TAPT1: variants seen among roughly 807,000 people sequenced by gnomAD.
TAPT1 encodes the protein transmembrane anterior posterior transformation protein 1 homolog.
In TAPT1, 28 loss-of-function variants were observed where a neutral mutation model predicts 65.6. The observed-to-expected ratio is 0.43, with a 90% CI of 0.32 to 0.59. The LOEUF is 0.59. TAPT1 is among the 20% of genes least tolerant of loss of function. TAPT1 has a pLI of 0.09. For synonymous variants in TAPT1, 278 were observed against 245.2 expected, an observed-to-expected ratio of 1.13 and a Z score of -1.25; for missense variants, 563 against 679.9, an observed-to-expected ratio of 0.83 and a Z score of 1.91.
rs1257802014 is a variant in TAPT1, at chr4:16,166,871, AAGG to A, written c.1314-81_1314-79del. 2.8e-6 allele frequency: 4 copies of A among 1,430,050 alleles called. No individual in the cohort carries two copies. In the East Asian group the frequency reaches 6.9e-5, roughly 25 times the overall value. The allele number at this position is 1,430,050 out of a possible 1,614,324, so 88.6% of individuals were successfully genotyped here. On this transcript the variant is annotated intron_variant, in intron 12 of 13. Transcript: ENST00000405303. ...GTGAATGCCATCTACTACCATGGCT[AAGG>A]AGAAGGTGGGGGGGCATGGGACGGT...
At chr4:16,188,696 G>A (rs57974923) in intron 4 of TAPT1, among the ~76,000 whole-genome samples, 63 of 152,220 alleles carry the variant, frequency 4.1e-4, no homozygotes, top group African/African-American at 1.4e-3. Flanking sequence ...CGAGGTGGGC[G>A]GATCACGAGG....
At chr4:16,204,074 TATAG>T (rs1560179333) in intron 2 of TAPT1, among the ~76,000 whole-genome samples, 1 of 152,208 alleles carries the variant, frequency 6.6e-6, no homozygotes, top group East Asian at 1.9e-4. Context: ...GCAAGGTCCA[TATAG>T]ATAGAGTTCA....
chr4:16,163,163 G>A lies in TAPT1; in HGVS notation c.*145C>T. On this transcript the variant is annotated 3_prime_UTR_variant, in exon 14 of 14. Transcript: ENST00000405303. ...GACCCTCAGCCAGGCCATATTACTG[G>A]AAGAAAGATACTAAGATTTGCTTGC... is the stretch of plus-strand genomic sequence containing the variant. 1.4e-6 allele frequency: 1 copy of A among 696,600 alleles called. No individual in the cohort carries two copies. The highest frequency in any genetic ancestry group is 2.5e-6 in the Non-Finnish European group (1 of 401,548). The allele number at this position is 696,600 out of a possible 1,614,324, so 43.2% of individuals were successfully genotyped here.
At position 16,173,120 on chromosome 4, in the gene TAPT1, A is replaced by C. The variant is rs377258619; in HGVS notation, c.1236+1084T>G. On this transcript the variant is annotated intron_variant, in intron 11 of 13. Coordinates refer to ENST00000405303, the MANE Select transcript of TAPT1 (RefSeq NM_153365.3). ...ATTACAGGTGTGAGCCACTGTGCCC[A>C]GCTGGTTGCATCTGTTTTGATGTTA... 9.2e-5 allele frequency among the ~76,000 whole-genome samples: 14 copies of C among 152,234 alleles called. 1 individual carries two copies. The highest frequency in any genetic ancestry group is 3.1e-4 in the African/African-American group (13 of 41,560).
At chr4:16,214,688 T>C (rs1330665987) in intron 1 of TAPT1, 1 of 152,210 alleles carries the variant, frequency 6.6e-6, no homozygotes, top group South Asian at 2.1e-4. Context: ...TGCATTACAC[T>C]TCCCTGATAG....
At chr4:16,200,622 A>C (rs1749974341) in intron 3 of TAPT1, among the ~76,000 whole-genome samples, 2 of 152,198 alleles carry the variant, frequency 1.3e-5, no homozygotes, top group South Asian at 4.1e-4. Context: ...CACCACATCC[A>C]GCAATATTAG....
At chr4:16,168,742 G>A (rs1747802645) in intron 12 of TAPT1, among the ~76,000 whole-genome samples, 1 of 152,216 alleles carries the variant, frequency 6.6e-6, no homozygotes. Context: ...TTTGTTGTTG[G>A]GAATTTCTGT....
chr4:16,163,424 G>C lies in TAPT1; in HGVS notation c.1588C>G (p.Pro530Ala), dbSNP rs1332366063. 1.2e-6 allele frequency: 2 copies of C among 1,613,880 alleles called. No homozygotes were observed. The highest frequency in any genetic ancestry group is 1.1e-5 in the South Asian group (1 of 91,078). The change falls in exon 14 of 14, where the codon CCA becomes GCA. Residue 530 changes from proline to alanine, a missense_variant. By Grantham distance (27) the Pro-to-Ala change is conservative. Around this residue, in one of 5 missense-constraint regions of TAPT1, gnomAD observed 136 missense variants for 153.9 expected, o/e 0.88. Transcript: ENST00000405303. The stretch of plus-strand genomic sequence containing the variant: ...GTTATGTCCTTCTCGTCACCATCTG[G>C]AGTTGTCAAAAACTGATCAGAATTG... ...TSNSDQFLTT[P>A]DGDEKDITQD...
Position 16,174,195 on chromosome 4 carries a change from T to G in TAPT1, c.1236+9A>C, listed in dbSNP as rs1748181130. 1 of 1,590,016 alleles carries G rather than the reference T, an allele frequency of 6.3e-7. No homozygotes were observed. Among genetic ancestry groups the G allele is most frequent in the Non-Finnish European group, 8.6e-7 (1 of 1,165,766 alleles). On this transcript the variant is annotated intron_variant, in intron 11 of 13. Coordinates refer to ENST00000405303, the MANE Select transcript of TAPT1 (RefSeq NM_153365.3). ...TTGTTACAAAAAACATTAAAAAGTA[T>G]GCACTTACTAAAACAGCTAGTGGGA...
rs181652196 is a variant in TAPT1, at chr4:16,213,891, T to C, written c.207A>G (p.Ser69=). ...RERRRGRTEL[S]LLRFLSAELT... ...GTTCAGCACTGAGGAACCTCAACAATGAAAGCTCTACAGAAAAGAAAATGA... is the reference window on the plus strand; with the variant it reads ...GTTCAGCACTGAGGAACCTCAACAACGAAAGCTCTACAGAAAAGAAAATGA... The change falls in exon 2 of 14, where the codon TCA becomes TCG. Residue 69 remains serine, a synonymous_variant. Transcript: ENST00000405303. The C allele has an allele frequency of 4.0e-5, 63 of 1,590,816 alleles. No individual in the cohort carries two copies. In the African/African-American group the frequency reaches 7.0e-4, roughly 18 times the overall value.
chr4:16,215,292 AAAC>A (rs1248660144), intron 1 of TAPT1, among the ~76,000 whole-genome samples: 31 of 152,220 alleles, frequency 2.0e-4, no homozygotes, highest in African/African-American at 6.5e-4. Context: ...CTGTGTCTCA[AAAC>A]AACAACAACA....
chr4:16,170,985 C>A (rs1273903837), intron 11 of TAPT1, among the ~76,000 whole-genome samples: 7 of 152,204 alleles, frequency 4.6e-5, no homozygotes, highest in Non-Finnish European at 7.3e-5. Flanking sequence ...AACAGTTTGA[C>A]TCCTGTGGAC....
chr4:16,170,721 T>C lies in TAPT1; in HGVS notation c.1245A>G (p.Arg415=), dbSNP rs1295983816. Residue 415 remains arginine (R), a synonymous_variant, in exon 12 of 14, where the codon AGA becomes AGG. Transcript: ENST00000405303. ...IPLPLAVLLI[R]VVTSSIKVQG... ...GCACTTTAATTGAGCTTGTTACAAC[T>C]CTGATGAGCTAGCCAGAAACAAACC... is the stretch of plus-strand genomic sequence containing the variant. The C allele has an allele frequency of 6.2e-7, 1 of 1,613,304 alleles. No individual in the cohort carries two copies. Among genetic ancestry groups the C allele is most frequent in the Non-Finnish European group, 8.5e-7 (1 of 1,179,470 alleles).
chr4:16,207,717 C>G (rs1314708768), intron 2 of TAPT1, among the ~76,000 whole-genome samples: 1 of 152,214 alleles, frequency 6.6e-6, no homozygotes, highest in Non-Finnish European at 1.5e-5. Context: ...CCCTGTATGA[C>G]AGTAACCCTT....
chr4:16,202,409 T>C, intron 3 of TAPT1, 53 bp downstream of exon 3: 1 of 1,139,404 alleles, frequency 8.8e-7, no homozygotes, highest in Non-Finnish European at 1.3e-6. Context: ...ACTACAAGTA[T>C]TAAAAATAAT....
chr4:16,223,342 T>C (rs576943136), intron 1 of TAPT1, among the ~76,000 whole-genome samples: 1 of 152,350 alleles, frequency 6.6e-6, no homozygotes, highest in Non-Finnish European at 1.5e-5. Flanking sequence ...ACATTGATTA[T>C]TTGGTTTTAT....
intron 13 of TAPT1, among the ~76,000 whole-genome samples, chr4:16,165,342 A>G (rs1164564110): frequency 6.6e-6 from 1 of 152,066 alleles, no homozygotes; most frequent in Non-Finnish European, 1.5e-5. Context: ...AGGCCGAGGC[A>G]GGCGGATCAC....
chr4:16,189,842 C>T (rs1252468150), intron 4 of TAPT1, among the ~76,000 whole-genome samples: 4 of 152,176 alleles, frequency 2.6e-5, no homozygotes, highest in Admixed American at 2.6e-4. Flanking sequence ...AGTCAGGGGA[C>T]AGGGAGAAAC....
intron 3 of TAPT1, among the ~76,000 whole-genome samples, 166 bp downstream of exon 3, chr4:16,202,296 T>G: frequency 6.6e-6 from 1 of 152,132 alleles, no homozygotes; most frequent in Non-Finnish European, 1.5e-5. Flanking sequence ...AAGCTTAATA[T>G]TATATAAACA....
Sources: allele counts gnomAD v4.1 joint callset (sites outside exome capture counted in the v4.1 genomes callset), GRCh38; gene constraint gnomAD v4.1.1; regional missense constraint gnomAD v4.1.1; transcripts MANE v1.5; gene names NCBI Gene and HGNC (gene_info 2026-07-23, HGNC 2026-07-21).